EPHB1: variants seen among roughly 807,000 people sequenced by gnomAD.
The protein encoded by EPHB1 is EPH receptor B1, also known as ephrin type-B receptor 1.
EPHB1 carries 30 observed loss-of-function variants against 94.4 expected under a neutral mutation model. The ratio of observed to expected loss-of-function variants is 0.32; its 90% confidence interval spans 0.24 to 0.43. EPHB1 has a LOEUF of 0.43. Among genes scored for constraint, EPHB1 ranks in the 20% least tolerant of loss-of-function variants. The pLI, the probability that EPHB1 is intolerant of heterozygous loss-of-function variation, is 1.00. For missense variants in EPHB1, 1,055 were observed against 1,308.3 expected (o/e 0.81, Z 2.99); for synonymous variants, 522 against 489.1 (o/e 1.07, Z -0.89).
rs142152288 is a variant in EPHB1, at chr3:135,204,592, C to T, written c.2346+2903C>T. Among the ~76,000 whole-genome samples, 1,343 of 152,084 alleles carry T rather than the reference C, an allele frequency of 8.8e-3. 20 individuals carry two copies. The highest frequency in any genetic ancestry group is 0.031 in the African/African-American group (1,279 of 41,462). On this transcript the variant is annotated intron_variant, in intron 12 of 15. Transcript: ENST00000398015. ...CTCGGCTCATTGCAGCTTCCGCCTCCTGGGTTCAAGCGATCCTCCTGCCTC... is the reference window on the plus strand; with the variant it reads ...CTCGGCTCATTGCAGCTTCCGCCTCTTGGGTTCAAGCGATCCTCCTGCCTC...
At chr3:135,139,400 A>G (rs1400060147) in intron 5 of EPHB1, among the ~76,000 whole-genome samples, 1 of 152,130 alleles carries the variant, frequency 6.6e-6, no homozygotes, top group Non-Finnish European at 1.5e-5. Context: ...CACTTAACAC[A>G]TTCTTTATGA....
At chr3:134,859,439 T>A (rs1456496359) in intron 1 of EPHB1, among the ~76,000 whole-genome samples, 3 of 152,136 alleles carry the variant, frequency 2.0e-5, no homozygotes, top group Admixed American at 6.5e-5. Context: ...CTGGCCAAGG[T>A]GTGTAGCAGA....
intron 1 of EPHB1, among the ~76,000 whole-genome samples, chr3:134,866,748 A>G (rs949857587): frequency 4.6e-5 from 7 of 152,220 alleles, no homozygotes; most frequent in Non-Finnish European, 8.8e-5. Context: ...ATTTGTTTTC[A>G]TCAGCATGTG....
intron 3 of EPHB1, among the ~76,000 whole-genome samples, chr3:135,006,932 C>T (rs1002460815): frequency 2.6e-5 from 4 of 152,004 alleles, no homozygotes; most frequent in African/African-American, 9.7e-5. Context: ...ACAGCTGAAA[C>T]ATGGTACCCT....
At chr3:135,153,135 A>T (rs567349542) in intron 5 of EPHB1, among the ~76,000 whole-genome samples, 1 of 152,320 alleles carries the variant, frequency 6.6e-6, no homozygotes, top group South Asian at 2.1e-4. Flanking sequence ...TGTAAATTCC[A>T]GGTCTTTGAG....
intron 3 of EPHB1, among the ~76,000 whole-genome samples, chr3:134,997,776 A>G (rs959077640): frequency 2.6e-5 from 4 of 152,186 alleles, no homozygotes; most frequent in African/African-American, 4.8e-5. Context: ...CTGAAAAAGC[A>G]AACAGTTTCC....
intron 6 of EPHB1, among the ~76,000 whole-genome samples, chr3:135,160,078 A>G (rs902141176): frequency 6.6e-6 from 1 of 152,058 alleles, no homozygotes; most frequent in Non-Finnish European, 1.5e-5. Flanking sequence ...CTCTCTGCCA[A>G]CTCACTCAAT....
intron 3 of EPHB1, among the ~76,000 whole-genome samples, chr3:135,036,258 A>G (rs1576335207): frequency 1.3e-5 from 2 of 152,204 alleles, no homozygotes; most frequent in African/African-American, 2.4e-5. Flanking sequence ...TATCATAACT[A>G]CTCGGGGAGG....
At chr3:135,110,793 T>C (rs1939411324) in intron 4 of EPHB1, among the ~76,000 whole-genome samples, 1 of 152,186 alleles carries the variant, frequency 6.6e-6, no homozygotes, top group Admixed American at 6.5e-5. Flanking sequence ...GTTTCTCTCC[T>C]TTAAGTTCAT....
chr3:134,989,817 A>G (rs1934732501), intron 3 of EPHB1, among the ~76,000 whole-genome samples: 1 of 152,220 alleles, frequency 6.6e-6, no homozygotes, highest in Non-Finnish European at 1.5e-5. Flanking sequence ...TTAAGAAATA[A>G]TTTTATAGAA....
At chr3:134,871,541 A>G (rs1437253817) in intron 1 of EPHB1, among the ~76,000 whole-genome samples, 1 of 152,160 alleles carries the variant, frequency 6.6e-6, no homozygotes, top group Non-Finnish European at 1.5e-5. Context: ...CATTATAATA[A>G]TAATGACCAT....
At chr3:135,099,948 C>G (rs1244336805) in intron 3 of EPHB1, among the ~76,000 whole-genome samples, 5 of 152,174 alleles carry the variant, frequency 3.3e-5, no homozygotes, top group African/African-American at 4.8e-5. Flanking sequence ...TCCCAGTTGC[C>G]CCATGAGGCA....
At chr3:134,906,211 T>C (rs1299643118) in intron 1 of EPHB1, among the ~76,000 whole-genome samples, 1 of 152,238 alleles carries the variant, frequency 6.6e-6, no homozygotes, top group Non-Finnish European at 1.5e-5. Context: ...TCAAATTCCT[T>C]TTTGAATTTT....
chr3:134,912,343 G>T (rs1182145812), intron 1 of EPHB1, among the ~76,000 whole-genome samples: 1 of 152,248 alleles, frequency 6.6e-6, no homozygotes, highest in South Asian at 2.1e-4. Flanking sequence ...GGTGCTGGAA[G>T]ACTGGAACAT....
At chr3:135,004,749 A>T (rs1379191609) in intron 3 of EPHB1, among the ~76,000 whole-genome samples, 2 of 151,722 alleles carry the variant, frequency 1.3e-5, no homozygotes, top group African/African-American at 2.4e-5. Context: ...AGTTGATTGC[A>T]TCGGCTCCTG....
intron 1 of EPHB1, among the ~76,000 whole-genome samples, chr3:134,893,817 G>A (rs917040640): frequency 4.6e-5 from 7 of 152,192 alleles, no homozygotes; most frequent in Admixed American, 1.3e-4. Flanking sequence ...CCTCCAGACC[G>A]TAAACTGTGT....
At chr3:135,007,221 A>G (rs897942775) in intron 3 of EPHB1, among the ~76,000 whole-genome samples, 3 of 152,218 alleles carry the variant, frequency 2.0e-5, no homozygotes, top group African/African-American at 7.2e-5. Context: ...CTAACGCAGT[A>G]GCAATTCTCT....
intron 3 of EPHB1, among the ~76,000 whole-genome samples, chr3:135,039,279 G>A (rs1936751162): frequency 6.6e-6 from 1 of 152,192 alleles, no homozygotes; most frequent in Non-Finnish European, 1.5e-5. Context: ...TAAACACAGG[G>A]TGCTGATTGG....
intron 4 of EPHB1, among the ~76,000 whole-genome samples, chr3:135,113,776 G>A (rs1939562642): frequency 1.3e-5 from 2 of 152,178 alleles, no homozygotes; most frequent in South Asian, 4.1e-4. Context: ...ATCTCCTTGA[G>A]GCTAAACACT....
Sources: allele counts gnomAD v4.1 joint callset (sites outside exome capture counted in the v4.1 genomes callset), GRCh38; gene constraint gnomAD v4.1.1; transcripts MANE v1.5; gene names NCBI Gene and HGNC (gene_info 2026-07-23, HGNC 2026-07-21).